SLC24A2: variants seen among roughly 807,000 people sequenced by gnomAD.
SLC24A2 encodes sodium/potassium/calcium exchanger 2.
SLC24A2 carries 36 observed loss-of-function variants against 62.0 expected under a neutral mutation model. The ratio of observed to expected loss-of-function variants is 0.58; its 90% confidence interval spans 0.44 to 0.77. The LOEUF (loss-of-function observed/expected upper bound fraction) is 0.77, where lower values mean the gene tolerates loss of function less well. Ranked by LOEUF, SLC24A2 falls within the 30% of genes least tolerant of loss-of-function variation. The pLI is 0.00. For synonymous variants in SLC24A2, 358 were observed against 294.0 expected, an observed-to-expected ratio of 1.22 and a Z score of -2.23; for missense variants, 846 against 817.9, an observed-to-expected ratio of 1.03 and a Z score of -0.42.
At chr9:20,236,155 AGGGTAACAC>A in the SLC24A2 span, among the ~76,000 whole-genome samples, 1 of 152,228 alleles carries the variant, frequency 6.6e-6, no homozygotes, top group Non-Finnish European at 1.5e-5. Flanking sequence ...CTGCTTTCTT[AGGGTAACAC>A]GTGTCTCTGT....
At chr9:19,958,643 G>T in the SLC24A2 span, among the ~76,000 whole-genome samples, 2 of 152,176 alleles carry the variant, frequency 1.3e-5, no homozygotes, top group African/African-American at 4.8e-5. Context: ...CTGTTTCTTT[G>T]TCTGAAAAAT....
At chr9:20,261,101 G>A in the SLC24A2 span, among the ~76,000 whole-genome samples, 8 of 151,770 alleles carry the variant, frequency 5.3e-5, no homozygotes, top group South Asian at 2.1e-4. Flanking sequence ...TGATCTGCCC[G>A]CCTCAGCCCG....
At chr9:19,780,700 C>A (rs1267899492) in intron 2 of SLC24A2, among the ~76,000 whole-genome samples, 2 of 151,196 alleles carry the variant, frequency 1.3e-5, no homozygotes, top group South Asian at 2.1e-4. Context: ...GGTGAAACCC[C>A]GTCTCTTCTA....
intron 8 of SLC24A2, among the ~76,000 whole-genome samples, chr9:19,529,417 T>C (rs1049245458): frequency 6.6e-6 from 1 of 152,186 alleles, no homozygotes; most frequent in Non-Finnish European, 1.5e-5. Context: ...CTTTACTAAT[T>C]TCAAGTTTTC....
the SLC24A2 span, among the ~76,000 whole-genome samples, chr9:20,287,960 T>C: frequency 5.9e-5 from 9 of 152,218 alleles, no homozygotes; most frequent in African/African-American, 9.6e-5. Context: ...TTTACACATA[T>C]TGATTGCAAG....
At chr9:19,719,526 C>A (rs1442631137) in intron 2 of SLC24A2, among the ~76,000 whole-genome samples, 1 of 150,832 alleles carries the variant, frequency 6.6e-6, no homozygotes, top group Non-Finnish European at 1.5e-5. Context: ...AACTGGACTG[C>A]TTGAGAGTTT....
chr9:20,221,483 T>A, the SLC24A2 span, among the ~76,000 whole-genome samples: 1 of 151,934 alleles, frequency 6.6e-6, no homozygotes. Flanking sequence ...ACAGAGGAGT[T>A]GTCAGATGTT....
At chr9:19,756,755 G>C (rs1267806798) in intron 2 of SLC24A2, among the ~76,000 whole-genome samples, 3 of 152,030 alleles carry the variant, frequency 2.0e-5, no homozygotes, top group Non-Finnish European at 4.4e-5. Context: ...TTTGACTTAA[G>C]TCTGTTCACT....
At chr9:20,277,770 T>C in the SLC24A2 span, among the ~76,000 whole-genome samples, 2,633 of 152,266 alleles carry the variant, frequency 0.017, 34 homozygotes, top group East Asian at 0.036. Context: ...CATGCTGCTA[T>C]GAAGACACAT....
At chr9:19,889,721 A>C in the SLC24A2 span, among the ~76,000 whole-genome samples, 3 of 152,180 alleles carry the variant, frequency 2.0e-5, no homozygotes, top group South Asian at 4.1e-4. Context: ...CATCTGTCTT[A>C]CTGTCAGTTT....
chr9:20,105,375 C>T, the SLC24A2 span, among the ~76,000 whole-genome samples: 2 of 152,208 alleles, frequency 1.3e-5, no homozygotes, highest in South Asian at 4.2e-4. Context: ...AACTCTCCAC[C>T]CCAAATCAAC....
At chr9:20,019,085 G>GAAA in the SLC24A2 span, among the ~76,000 whole-genome samples, 1 of 34,610 alleles carries the variant, frequency 2.9e-5, no homozygotes, top group Non-Finnish European at 5.1e-5. Flanking sequence ...GAGAAAGAGA[G>GAAA]AAAGAAAGAA....
intron 2 of SLC24A2, among the ~76,000 whole-genome samples, chr9:19,623,133 C>G (rs888926983): frequency 3.3e-5 from 5 of 152,188 alleles, no homozygotes; most frequent in African/African-American, 1.2e-4. Context: ...TTCCTTAACT[C>G]AATGGCAACT....
At chr9:20,065,987 T>C in the SLC24A2 span, among the ~76,000 whole-genome samples, 6 of 152,146 alleles carry the variant, frequency 3.9e-5, no homozygotes, top group Admixed American at 1.3e-4. Context: ...CTATAAAGGC[T>C]GGAGTCAATG....
chr9:19,565,174 C>CCTCTTTT (rs1835596482), intron 7 of SLC24A2, among the ~76,000 whole-genome samples: 1 of 152,100 alleles, frequency 6.6e-6, no homozygotes, highest in Admixed American at 6.6e-5. Flanking sequence ...GTCAAATTGT[C>CCTCTTTT]CCTGTTTGCA....
At chr9:19,580,615 T>C (rs1403697221) in intron 5 of SLC24A2, among the ~76,000 whole-genome samples, 7 of 152,196 alleles carry the variant, frequency 4.6e-5, no homozygotes, top group Non-Finnish European at 1.0e-4. Flanking sequence ...AGTCACAAAC[T>C]GTGAAGAACA....
At chr9:20,204,742 C>CTTTT in the SLC24A2 span, among the ~76,000 whole-genome samples, 4 of 132,242 alleles carry the variant, frequency 3.0e-5, no homozygotes, top group Admixed American at 7.7e-5. Flanking sequence ...AAAAGTATAA[C>CTTTT]TTTTTTTTTT....
the SLC24A2 span, among the ~76,000 whole-genome samples, chr9:19,982,908 A>C: frequency 6.6e-6 from 1 of 152,212 alleles, no homozygotes; most frequent in South Asian, 2.1e-4. Flanking sequence ...ACATTAATAG[A>C]ATAAGAGAAT....
chr9:20,172,970 A>G, the SLC24A2 span, among the ~76,000 whole-genome samples: 3 of 152,144 alleles, frequency 2.0e-5, no homozygotes, highest in Non-Finnish European at 4.4e-5. Flanking sequence ...CAACGTATCA[A>G]AAGATAATCC....
Sources: gnomAD v4.1 joint callset for allele counts (sites outside exome capture counted in the v4.1 genomes callset) on GRCh38, gnomAD v4.1.1 for gene constraint, MANE v1.5 for transcripts, NCBI Gene and HGNC (gene_info 2026-07-23, HGNC 2026-07-21) for gene names.